Variants in MRE11 observed in about 807,000 individuals in gnomAD.
MRE11 encodes MRE11 double strand break repair nuclease, also known as double-strand break repair protein MRE11.
A neutral mutation model predicts 91.7 loss-of-function variants in MRE11; 62 were observed. The observed-to-expected ratio is 0.68, with a 90% confidence interval of 0.55 to 0.84. MRE11 has a LOEUF of 0.84. Ranked by LOEUF, MRE11 falls within the 40% of genes least tolerant of loss-of-function variation. MRE11 has a pLI of 0.00. For synonymous variants in MRE11, 273 were observed against 271.4 expected (o/e 1.01, Z -0.06); for missense variants, 796 against 852.9 (o/e 0.93, Z 0.83).
At chr11:94,454,115 C>G (rs1020365356) in intron 14 of MRE11, among the ~76,000 whole-genome samples, 2 of 147,590 alleles carry the variant, frequency 1.4e-5, no homozygotes, top group African/African-American at 2.5e-5. Flanking sequence ...GCTCTGTCAT[C>G]CAGGTTGGAG....
chr11:94,459,351 G>A, intron 13 of MRE11, 57 bp downstream of exon 13: 2 of 1,575,954 alleles, frequency 1.3e-6, no homozygotes, highest in South Asian at 2.2e-5. Flanking sequence ...AAATCTCAGA[G>A]CTACTCTTAA....
rs1188616708 is a variant in MRE11, at chr11:94,459,398, A to G, written c.1500+10T>C. On this transcript the variant is annotated intron_variant, in intron 13 of 19. Transcript: ENST00000323929. ...TTAAATAGACCTAGACACTCAAATT[A>G]GTTACTTACCTCCTCATCGATTTTG... 1 of 1,613,712 alleles carries G rather than the reference A, an allele frequency of 6.2e-7. No individual in the cohort carries two copies.
In MRE11 at chr11:94,463,309, A is replaced by G. The variant is rs397509356; in HGVS notation, c.1225+804T>C. On this transcript the variant is annotated intron_variant, in intron 11 of 19. Transcript: ENST00000323929. ...GGTGCTGGAGAGGATGTGGAGAAAT[A>G]GGAGCACTTTTACACTGTTGGTGGG... 5.3e-5 allele frequency among the ~76,000 whole-genome samples: 8 copies of G among 152,228 alleles called. No individual in the cohort carries two copies. The highest frequency in any genetic ancestry group is 1.2e-4 in the Non-Finnish European group (8 of 68,028).
intron 10 of MRE11, among the ~76,000 whole-genome samples, chr11:94,465,908 T>C (rs2135012214): frequency 6.6e-6 from 1 of 152,180 alleles, no homozygotes; most frequent in South Asian, 2.1e-4. Flanking sequence ...ACAAACTGAC[T>C]GGGAAGAAAA....
At chr11:94,466,672 C>A in intron 10 of MRE11, 1 of 270,742 alleles carries the variant, frequency 3.7e-6, no homozygotes, top group Non-Finnish European at 7.9e-6. Context: ...CTACACTGTA[C>A]TCTTTACCTC....
Position 94,476,420 on chromosome 11 carries a change from A to G in MRE11, c.545-17T>C, listed in dbSNP as rs762520487. ...GAATGGATCCTGAAATGGACATTAC[A>G]TTATTTTTAAATTGTTTTCTTACTT... On this transcript the variant is annotated splice_polypyrimidine_tract_variant and intron_variant, in intron 6 of 19. Transcript: ENST00000323929. 2.0e-6 allele frequency: 3 copies of G among 1,502,572 alleles called. No homozygotes were observed. In the South Asian group the frequency reaches 3.4e-5, roughly 17 times the overall value. The allele number at this position is 1,502,572 out of a possible 1,614,324, so 93.1% of individuals were successfully genotyped here.
At chr11:94,457,121 A>G (rs754284822) in intron 13 of MRE11, among the ~76,000 whole-genome samples, 4 of 152,256 alleles carry the variant, frequency 2.6e-5, no homozygotes, top group Non-Finnish European at 5.9e-5. Flanking sequence ...AGGAATCAAC[A>G]AAAGACACTG....
chr11:94,500,475 G>T, the MRE11 span, among the ~76,000 whole-genome samples: 1 of 152,288 alleles, frequency 6.6e-6, no homozygotes, highest in East Asian at 1.9e-4. Context: ...TGCTTTGAAA[G>T]GATTACTTCT....
intron 18 of MRE11, among the ~76,000 whole-genome samples, chr11:94,431,311 C>T (rs1348605278): frequency 6.6e-6 from 1 of 152,162 alleles, no homozygotes; most frequent in East Asian, 1.9e-4. Flanking sequence ...TATCAAGGTC[C>T]ACTCTGGTAA....
At chr11:94,462,869 A>G (rs2135012877) in intron 11 of MRE11, among the ~76,000 whole-genome samples, 1 of 152,278 alleles carries the variant, frequency 6.6e-6, no homozygotes, top group Middle Eastern at 3.4e-3. Context: ...CAGAGGCATG[A>G]GCAAGGACTT....
intron 7 of MRE11, among the ~76,000 whole-genome samples, chr11:94,473,873 A>G (rs1023565685): frequency 6.6e-6 from 1 of 152,140 alleles, no homozygotes; most frequent in Non-Finnish European, 1.5e-5. Flanking sequence ...AAAAATAAGT[A>G]AACATATATA....
At chr11:94,454,799 A>T (rs1218854571) in intron 14 of MRE11, among the ~76,000 whole-genome samples, 1 of 152,188 alleles carries the variant, frequency 6.6e-6, no homozygotes, top group African/African-American at 2.4e-5. Context: ...ACTCACTCAA[A>T]CGTAAAGAAA....
chr11:94,455,330 T>C (rs747999822), intron 14 of MRE11, among the ~76,000 whole-genome samples: 10 of 152,158 alleles, frequency 6.6e-5, no homozygotes, highest in South Asian at 2.1e-4. Context: ...ATCTACTAAA[T>C]TGAGAAAATC....
At chr11:94,484,912 A>G (rs13447605) in intron 4 of MRE11, among the ~76,000 whole-genome samples, 2,619 of 152,306 alleles carry the variant, frequency 0.017, 87 homozygotes, top group African/African-American at 0.06. Flanking sequence ...GATCCTGTAC[A>G]ATGTTTAAGA....
chr11:94,435,225 T>A (rs1945570277), intron 18 of MRE11, among the ~76,000 whole-genome samples: 1 of 152,164 alleles, frequency 6.6e-6, no homozygotes, highest in African/African-American at 2.4e-5. Context: ...ACAAAATTAT[T>A]TTCTGTTATT....
chr11:94,498,274 C>A (rs948770506), upstream of MRE11: 6 of 1,614,030 alleles, frequency 3.7e-6, no homozygotes, highest in Admixed American at 3.3e-5. Flanking sequence ...GGAATAATAC[C>A]AGAGTGGCTT....
chr11:94,503,151 A>G, the MRE11 span, among the ~76,000 whole-genome samples: 2 of 152,154 alleles, frequency 1.3e-5, no homozygotes, highest in African/African-American at 4.8e-5. Context: ...CAGAGATTCT[A>G]GATTGTACAG....
upstream of MRE11, chr11:94,496,940 G>A (rs528150444): frequency 6.2e-7 from 1 of 1,612,964 alleles, no homozygotes; most frequent in African/African-American, 1.3e-5. Context: ...TTGGGCTGCT[G>A]AAAAAAATCG....
intron 17 of MRE11, among the ~76,000 whole-genome samples, chr11:94,436,365 A>T (rs1286977512): frequency 6.6e-6 from 1 of 152,194 alleles, no homozygotes; most frequent in Non-Finnish European, 1.5e-5. Flanking sequence ...CTGACTGTTG[A>T]TTCTACCACC....
Sources: gnomAD v4.1 joint callset for allele counts (sites outside exome capture counted in the v4.1 genomes callset) on GRCh38, gnomAD v4.1.1 for gene constraint, MANE v1.5 for transcripts, NCBI Gene and HGNC (gene_info 2026-07-23, HGNC 2026-07-21) for gene names.